PDE4D: variants seen among roughly 807,000 people sequenced by gnomAD.
PDE4D encodes the protein phosphodiesterase 4D.
PDE4D carries 24 observed loss-of-function variants against 87.4 expected under a neutral mutation model. The ratio of observed to expected loss-of-function variants is 0.27; its 90% CI spans 0.20 to 0.39. The LOEUF is 0.39. Ranked by LOEUF, PDE4D falls within the 10% of genes least tolerant of loss-of-function variation. The pLI is 1.00. For synonymous variants in PDE4D, 384 were observed against 383.2 expected (o/e 1.00, Z -0.02); for missense variants, 714 against 1,041.0 (o/e 0.69, Z 4.32).
chr5:59,838,034 T>C (rs1326850613), intron 1 of PDE4D, among the ~76,000 whole-genome samples: 1 of 152,088 alleles, frequency 6.6e-6, no homozygotes, highest in African/African-American at 2.4e-5. Flanking sequence ...TTACACACTT[T>C]AGTTAGAATG....
At chr5:59,405,834 C>G (rs778308530) in intron 1 of PDE4D, among the ~76,000 whole-genome samples, 33 of 152,280 alleles carry the variant, frequency 2.2e-4, no homozygotes, top group African/African-American at 2.6e-4. Flanking sequence ...ATCACACTGA[C>G]TGATTTACAT....
chr5:59,401,133 A>G (rs1028066355), intron 1 of PDE4D, among the ~76,000 whole-genome samples: 2 of 152,256 alleles, frequency 1.3e-5, no homozygotes, highest in African/African-American at 2.4e-5. Flanking sequence ...CACATGGTAT[A>G]CATAAAACAT....
chr5:60,420,366 T>G (rs961025289), intron 1 of PDE4D, among the ~76,000 whole-genome samples: 1 of 152,174 alleles, frequency 6.6e-6, no homozygotes, highest in Non-Finnish European at 1.5e-5. Context: ...TTGAATAGGT[T>G]GGGAAAGCAC....
chr5:59,330,653 C>T (rs1468972374), intron 1 of PDE4D, among the ~76,000 whole-genome samples: 1 of 152,106 alleles, frequency 6.6e-6, no homozygotes, highest in Non-Finnish European at 1.5e-5. Flanking sequence ...AATTTTAAGA[C>T]TTAGCTGTCA....
intron 1 of PDE4D, among the ~76,000 whole-genome samples, chr5:59,741,720 C>A (rs575188441): frequency 1.3e-5 from 2 of 152,170 alleles, no homozygotes; most frequent in African/African-American, 4.8e-5. Flanking sequence ...TTTTAATCAA[C>A]CTGAAATTAC....
intron 1 of PDE4D, among the ~76,000 whole-genome samples, chr5:59,887,991 T>C (rs1236517544): frequency 6.6e-6 from 1 of 152,214 alleles, no homozygotes; most frequent in Non-Finnish European, 1.5e-5. Flanking sequence ...TAGTTATAGT[T>C]TGGGCAGTAA....
chr5:60,315,478 C>T (rs1290920601), intron 1 of PDE4D, among the ~76,000 whole-genome samples: 10 of 152,144 alleles, frequency 6.6e-5, no homozygotes, highest in Admixed American at 6.5e-4. Context: ...TGTGCAGAAG[C>T]TCTTTAGTTT....
At chr5:60,041,717 C>G (rs1246683519) in intron 2 of PDE4D, among the ~76,000 whole-genome samples, 1 of 152,180 alleles carries the variant, frequency 6.6e-6, no homozygotes, top group Non-Finnish European at 1.5e-5. Context: ...ACTCCCTCCT[C>G]TAGCCAAGGG....
intron 1 of PDE4D, among the ~76,000 whole-genome samples, chr5:60,281,196 C>T (rs1751866098): frequency 6.6e-6 from 1 of 152,044 alleles, no homozygotes; most frequent in African/African-American, 2.4e-5. Flanking sequence ...GGAGCTAAGT[C>T]TACCCCTCCC....
chr5:59,845,477 G>C (rs1172135578), intron 1 of PDE4D, among the ~76,000 whole-genome samples: 1 of 152,110 alleles, frequency 6.6e-6, no homozygotes, highest in East Asian at 1.9e-4. Context: ...AACAAGTGTG[G>C]ATACTGAGCC....
intron 1 of PDE4D, among the ~76,000 whole-genome samples, chr5:60,239,944 G>C (rs1746889985): frequency 6.6e-6 from 1 of 151,890 alleles, no homozygotes; most frequent in Admixed American, 6.6e-5. Flanking sequence ...ATGCTGGCTA[G>C]AACAACCAAT....
In PDE4D at chr5:59,479,814, T is replaced by C. The variant is rs371472915; in HGVS notation, c.456-263846A>G. Among the ~76,000 whole-genome samples, 3 of 152,108 alleles carry C rather than the reference T, an allele frequency of 2.0e-5. No homozygotes were observed. In the South Asian group the frequency reaches 6.2e-4, roughly 32 times the overall value. ...CCTTTTCTCACTGTCTGAAAACTGATACTCTTCGACAATGTCATGAAAAGA... is the reference window on the plus strand; with the variant it reads ...CCTTTTCTCACTGTCTGAAAACTGACACTCTTCGACAATGTCATGAAAAGA... On this transcript the variant is annotated intron_variant, in intron 1 of 14. Transcript: ENST00000340635.
Position 59,674,706 on chromosome 5 carries a change from T to C in PDE4D, c.455+218462A>G, listed in dbSNP as rs1580335211. 2.6e-5 allele frequency among the ~76,000 whole-genome samples: 4 copies of C among 152,320 alleles called. 1 individual carries two copies. The highest frequency in any genetic ancestry group is 9.6e-5 in the African/African-American group (4 of 41,582). On this transcript the variant is annotated intron_variant, in intron 1 of 14. Transcript: ENST00000340635. ...TTCATCAACACATCATTTGATGAAATAAATCCAAAAGGGTGGAAATGAGAA... is the reference window on the plus strand; with the variant it reads ...TTCATCAACACATCATTTGATGAAACAAATCCAAAAGGGTGGAAATGAGAA...
At chr5:60,342,419 G>A (rs999282682) in intron 1 of PDE4D, among the ~76,000 whole-genome samples, 9 of 152,150 alleles carry the variant, frequency 5.9e-5, no homozygotes, top group East Asian at 1.9e-4. Flanking sequence ...TAACCTCTGC[G>A]TCAGTATCTT....
chr5:59,087,507 GA>G lies in PDE4D; in HGVS notation c.809-48537del, dbSNP rs1178414436. ...TCAATAAATAAATAAGACCACAAAG[GA>G]AAAAAATTCTTACAGAGAATTATTG... On this transcript the variant is annotated intron_variant, in intron 5 of 14. Coordinates refer to ENST00000340635, the MANE Select transcript of PDE4D (RefSeq NM_001104631.2). 5.3e-5 allele frequency among the ~76,000 whole-genome samples: 8 copies of G among 151,622 alleles called. No homozygotes were observed. In the East Asian group the frequency reaches 1.6e-3, roughly 29 times the overall value.
intron 1 of PDE4D, among the ~76,000 whole-genome samples, chr5:60,357,032 T>C (rs1451444807): frequency 6.6e-6 from 1 of 151,396 alleles, no homozygotes; most frequent in Non-Finnish European, 1.5e-5. Context: ...ATGAGCTTGA[T>C]AAAGAAAAAT....
intron 1 of PDE4D, among the ~76,000 whole-genome samples, chr5:59,372,032 T>G (rs1198684635): frequency 6.6e-6 from 1 of 152,210 alleles, no homozygotes; most frequent in Admixed American, 6.5e-5. Context: ...GAAGACAGAC[T>G]CCAGGGAAAT....
At chr5:59,160,096 C>A (rs1227617413) in intron 5 of PDE4D, among the ~76,000 whole-genome samples, 1 of 152,178 alleles carries the variant, frequency 6.6e-6, no homozygotes, top group Non-Finnish European at 1.5e-5. Context: ...AAGCATAACA[C>A]CTTTCAGAGA....
intron 1 of PDE4D, among the ~76,000 whole-genome samples, chr5:59,859,582 T>C (rs1005879077): frequency 4.6e-5 from 7 of 152,238 alleles, no homozygotes; most frequent in Admixed American, 6.5e-5. Context: ...TGTCTAATGA[T>C]GTGCTTTTTG....
Sources: allele counts gnomAD v4.1 joint callset (sites outside exome capture counted in the v4.1 genomes callset), GRCh38; gene constraint gnomAD v4.1.1; transcripts MANE v1.5; gene names NCBI Gene and HGNC (gene_info 2026-07-23, HGNC 2026-07-21).